The following NDUFA10 variants were observed in gnomAD, a reference collection of about 807,000 sequenced individuals.
NDUFA10 encodes NADH:ubiquinone oxidoreductase subunit A10.
NDUFA10 carries 40 observed loss-of-function variants against 47.8 expected under a neutral mutation model. The ratio of observed to expected loss-of-function variants is 0.84; its 90% CI spans 0.65 to 1.09. The LOEUF is 1.09. NDUFA10 is among the 50% of genes least tolerant of loss of function. The probability of loss-of-function intolerance (pLI) is 0.00; values close to 1 mark genes in which losing one functional copy is unlikely to be tolerated. For synonymous variants in NDUFA10, 183 were observed against 172.2 expected (o/e 1.06, Z -0.49); for missense variants, 413 against 451.1 (o/e 0.92, Z 0.76).
At chr2:239,977,361 C>T (rs998807327) in intron 9 of NDUFA10, among the ~76,000 whole-genome samples, 3 of 152,164 alleles carry the variant, frequency 2.0e-5, no homozygotes, top group Non-Finnish European at 2.9e-5. Context: ...CGTGCTAGGC[C>T]CTCTAACTCG....
At chr2:239,971,311 T>C (rs1695297407) in intron 9 of NDUFA10, among the ~76,000 whole-genome samples, 1 of 152,224 alleles carries the variant, frequency 6.6e-6, no homozygotes, top group Non-Finnish European at 1.5e-5. Context: ...AGGTCTTCCT[T>C]GAGTGTGGCA....
intron 4 of NDUFA10, among the ~76,000 whole-genome samples, chr2:239,912,800 C>A (rs1320061314): frequency 6.6e-6 from 1 of 152,174 alleles, no homozygotes; most frequent in Non-Finnish European, 1.5e-5. Flanking sequence ...ATCCTGTCTA[C>A]CTGGGTGTCA....
Position 240,025,276 on chromosome 2 carries a change from G to A in NDUFA10, c.26C>T (p.Ala9Val). The change falls in exon 1 of 10, where the codon GCA (alanine) becomes GTA (valine). Residue 9 changes from alanine (A) to valine (V), a missense_variant. Physicochemically the swap from Ala to Val is moderately conservative, Grantham distance 64 (BLOSUM62 0). Coordinates refer to ENST00000252711, the MANE Select transcript of NDUFA10 (RefSeq NM_004544.4). ...GACCCGGGCGGACGCGGACGTCGCT[G>A]CCAGCTTCAGGAGCCGCAAGGCCAT... MALRLLKL[A>V]ATSASARVVA... The A allele has an allele frequency of 6.6e-7, 1 of 1,504,198 alleles. No individual in the cohort carries two copies. Among genetic ancestry groups the A allele is most frequent in the Non-Finnish European group, 8.8e-7 (1 of 1,130,410 alleles). 93.2% of individuals were successfully genotyped at this position (1,504,198 alleles called of 1,614,324 possible).
At chr2:240,002,312 A>G (rs1319943723) in intron 8 of NDUFA10, among the ~76,000 whole-genome samples, 1 of 145,868 alleles carries the variant, frequency 6.9e-6, no homozygotes, top group Non-Finnish European at 1.5e-5. Context: ...TCTGGGCAAC[A>G]AGAGCAAAAC....
chr2:239,985,264 A>T (rs937116229), intron 9 of NDUFA10, among the ~76,000 whole-genome samples: 1 of 152,240 alleles, frequency 6.6e-6, no homozygotes, highest in African/African-American at 2.4e-5. Flanking sequence ...CTTTGTGATG[A>T]ATATGTTTAA....
At position 240,007,381 on chromosome 2, in the gene NDUFA10, A is replaced by C. The variant is rs774096151; in HGVS notation, c.750-11T>G. The C allele has an allele frequency of 1.3e-6, 2 of 1,557,420 alleles. No homozygotes were observed. Among genetic ancestry groups the C allele is most frequent in the Admixed American group, 1.7e-5 (1 of 59,732 alleles). On this transcript the variant is annotated splice_polypyrimidine_tract_variant and intron_variant, in intron 6 of 9. Transcript: ENST00000252711. ...ACCTCACATTTTTCACTGTAAGAAA[A>C]AACAAGATGAAATTCAGTGTAAACT...
intron 5 of NDUFA10, chr2:240,013,436 CTTTG>C (rs1697216732): frequency 6.6e-6 from 1 of 152,350 alleles, no homozygotes; most frequent in Non-Finnish European, 1.5e-5. Flanking sequence ...AAATGTATGA[CTTTG>C]TTTTTCTCAA....
intron 9 of NDUFA10, among the ~76,000 whole-genome samples, chr2:239,974,559 G>A (rs1366859247): frequency 6.6e-6 from 1 of 152,248 alleles, no homozygotes; most frequent in East Asian, 1.9e-4. Context: ...GTGGGGCCTG[G>A]TGGGAAGTGT....
At chr2:239,991,808 C>T (rs951686577) in intron 8 of NDUFA10, among the ~76,000 whole-genome samples, 4 of 152,160 alleles carry the variant, frequency 2.6e-5, no homozygotes, top group Admixed American at 2.6e-4. Flanking sequence ...TGACATGGTT[C>T]TCTTTACAGT....
Position 239,958,446 on chromosome 2 carries a change from AACC to A in NDUFA10, c.*2669_*2671del, listed in dbSNP as rs1574808106. On this transcript the variant is annotated 3_prime_UTR_variant, in exon 10 of 10. Coordinates refer to ENST00000252711, the MANE Select transcript of NDUFA10 (RefSeq NM_004544.4). ...TCTTCCACTTCTGCTGTAGCAGAGAAACCACCACGAATTCAATTGAAGCGGCGT... is the reference window on the plus strand; with the variant it reads ...TCTTCCACTTCTGCTGTAGCAGAGAAACCACGAATTCAATTGAAGCGGCGT... 1.3e-5 allele frequency: 2 copies of A among 152,266 alleles called. No individual in the cohort carries two copies. Among genetic ancestry groups the A allele is most frequent in the East Asian group, 1.9e-4 (1 of 5,202 alleles). 9.4% of individuals were successfully genotyped at this position (152,266 alleles called of 1,614,324 possible).
chr2:239,972,563 A>G (rs1359709963), intron 9 of NDUFA10, among the ~76,000 whole-genome samples: 1 of 152,170 alleles, frequency 6.6e-6, no homozygotes, highest in Non-Finnish European at 1.5e-5. Context: ...AATTTCCCTT[A>G]ATTTCCATTA....
At position 240,016,872 on chromosome 2, in the gene NDUFA10, G is replaced by A. The variant is rs191151048; in HGVS notation, c.547+1681C>T. 3.3e-5 allele frequency among the ~76,000 whole-genome samples: 5 copies of A among 152,198 alleles called. No individual in the cohort carries two copies. Among genetic ancestry groups the A allele is most frequent in the Non-Finnish European group, 7.4e-5 (5 of 68,012 alleles). On this transcript the variant is annotated intron_variant, in intron 4 of 9. Coordinates refer to ENST00000252711, the MANE Select transcript of NDUFA10 (RefSeq NM_004544.4). This position sits in a 1 kb window ranked among gnomAD's most constrained non-coding sequence, Gnocchi z 4.4. Reference sequence around the variant, plus strand: ...CTTGCCATGGGAACCTCACACTCAGGAATCCAACGCCCAAACATGAAGCCA... The same window carrying A: ...CTTGCCATGGGAACCTCACACTCAGAAATCCAACGCCCAAACATGAAGCCA...
downstream of NDUFA10, among the ~76,000 whole-genome samples, chr2:239,956,158 C>A (rs966976314): frequency 2.4e-4 from 36 of 152,200 alleles, no homozygotes; most frequent in Middle Eastern, 3.2e-3. Flanking sequence ...ACGGGTGCAA[C>A]CCATCTGTCA....
chr2:239,955,556 G>A (rs998120903), downstream of NDUFA10, among the ~76,000 whole-genome samples: 1 of 152,182 alleles, frequency 6.6e-6, no homozygotes. Flanking sequence ...GAGAGCCCAG[G>A]ACACGGGGGT....
chr2:239,924,683 T>C lies in NDUFA10; in HGVS notation c.295-29369A>G, dbSNP rs137986704. On this transcript the variant is annotated intron_variant, in intron 4 of 5. Coordinates refer to the NDUFA10 transcript ENST00000419408. ...GTCTACTATTACCACTCCTATTCAA[T>C]GTAGGACCAAAAATCCTAACTAGAG... Among the ~76,000 whole-genome samples, 54 of 152,182 alleles carry C rather than the reference T, an allele frequency of 3.5e-4. No homozygotes were observed. The East Asian group carries it at 9.3e-3, about 26-fold the overall frequency.
At chr2:239,915,848 CAT>C (rs1311449135) in intron 4 of NDUFA10, among the ~76,000 whole-genome samples, 9 of 151,266 alleles carry the variant, frequency 5.9e-5, no homozygotes, top group African/African-American at 1.9e-4. Context: ...AGAACACACA[CAT>C]ACACAGGCAC....
intron 9 of NDUFA10, among the ~76,000 whole-genome samples, chr2:239,976,797 G>T (rs573489110): frequency 6.6e-6 from 1 of 152,338 alleles, no homozygotes; most frequent in South Asian, 2.1e-4. Flanking sequence ...AGCTGTGGCA[G>T]AGGCTGAGAG....
intron 3 of NDUFA10, among the ~76,000 whole-genome samples, chr2:240,019,434 A>G (rs1243464316): frequency 6.6e-6 from 1 of 152,212 alleles, no homozygotes; most frequent in African/African-American, 2.4e-5. Flanking sequence ...CTATAGCACC[A>G]AAAAAAGCAA....
rs1408366223 is a variant in NDUFA10, at chr2:240,016,534, G to C, written c.548-1674C>G. 6.6e-6 allele frequency among the ~76,000 whole-genome samples: 1 copy of C among 152,058 alleles called. No individual in the cohort carries two copies. Among genetic ancestry groups the C allele is most frequent in the Admixed American group, 6.5e-5 (1 of 15,278 alleles). On this transcript the variant is annotated intron_variant, in intron 4 of 9. Transcript: ENST00000252711. The surrounding 1 kb of genome is among the most constrained non-coding windows in gnomAD (Gnocchi z 4.4). The stretch of plus-strand genomic sequence containing the variant: ...ATCACCAGCCCCCGAAAGGTGAAAC[G>C]TGACAGTCACTTCTCAGTTCCCATC...
Sources: gnomAD v4.1 joint callset for allele counts (sites outside exome capture counted in the v4.1 genomes callset) on GRCh38, gnomAD v4.1.1 for gene constraint, Gnocchi (gnomAD v3.1) non-coding constraint, MANE v1.5 for transcripts, NCBI Gene and HGNC (gene_info 2026-07-23, HGNC 2026-07-21) for gene names.